FYB1: variants seen among roughly 807,000 people sequenced by gnomAD.
FYB1 encodes FYN-binding protein 1.
A neutral mutation model predicts 94.1 loss-of-function variants in FYB1; 41 were observed. The observed-to-expected ratio is 0.44, with a 90% confidence interval of 0.34 to 0.57. The LOEUF (loss-of-function observed/expected upper bound fraction) is 0.57. Among genes scored for constraint, FYB1 ranks in the 20% least tolerant of loss-of-function variants. FYB1 has a pLI of 0.02. For synonymous variants in FYB1, 367 were observed against 353.2 expected (o/e 1.04, Z -0.44); for missense variants, 1,050 against 976.8 (o/e 1.07, Z -1.00).
chr5:39,213,333 T>C (rs1219633137), intron 1 of FYB1, among the ~76,000 whole-genome samples: 1 of 152,172 alleles, frequency 6.6e-6, no homozygotes, highest in Non-Finnish European at 1.5e-5. Flanking sequence ...GTCTTTGTCA[T>C]ATAGTTACTA....
chr5:39,234,475 A>G (rs1471874660), intron 1 of FYB1, among the ~76,000 whole-genome samples: 1 of 151,814 alleles, frequency 6.6e-6, no homozygotes, highest in African/African-American at 2.4e-5. Flanking sequence ...GTTGTGGAAA[A>G]CAGTGTGGCA....
intron 1 of FYB1, among the ~76,000 whole-genome samples, chr5:39,236,755 A>G (rs1750982454): frequency 6.6e-6 from 1 of 152,162 alleles, no homozygotes; most frequent in Non-Finnish European, 1.5e-5. Flanking sequence ...CTAAGCTCAC[A>G]TTGGACAAGG....
intron 9 of FYB1, 130 bp from the exon 10 acceptor site, chr5:39,130,742 T>C (rs1295293265): frequency 5.8e-6 from 4 of 686,560 alleles, no homozygotes; most frequent in East Asian, 2.8e-5. Flanking sequence ...GAATGCTATA[T>C]GTAAAGAGGA....
chr5:39,215,956 G>A (rs910186171), intron 1 of FYB1, among the ~76,000 whole-genome samples: 16 of 152,166 alleles, frequency 1.1e-4, no homozygotes, highest in Non-Finnish European at 2.1e-4. Flanking sequence ...AGATAGAGAA[G>A]AAGAGACAGC....
chr5:39,242,210 T>C (rs1486421058), intron 1 of FYB1, among the ~76,000 whole-genome samples: 1 of 152,126 alleles, frequency 6.6e-6, no homozygotes, highest in Non-Finnish European at 1.5e-5. Context: ...TACATATGTA[T>C]ACATGTGCCA....
chr5:39,120,040 C>A (rs756978459), intron 14 of FYB1, among the ~76,000 whole-genome samples: 39 of 152,038 alleles, frequency 2.6e-4, no homozygotes, highest in African/African-American at 9.4e-4. Context: ...AAGAAGAGTT[C>A]AAAAACAATC....
chr5:39,231,265 C>T (rs1006563281), intron 1 of FYB1, among the ~76,000 whole-genome samples: 2 of 151,818 alleles, frequency 1.3e-5, no homozygotes, highest in Non-Finnish European at 1.5e-5. Context: ...CCATTTCCAT[C>T]CTCAATTCCA....
chr5:39,137,854 G>A, intron 6 of FYB1, 134 bp from the exon 7 acceptor site: 6 of 1,138,428 alleles, frequency 5.3e-6, no homozygotes, highest in Non-Finnish European at 7.4e-6. Context: ...GCGAAAGGTT[G>A]TCAAAATCCG....
rs184557905 is a variant in FYB1 at position 39,234,101 on chromosome 5, G to A, written c.-27-31114C>T. The stretch of plus-strand genomic sequence containing the variant: ...GCATGATATCCAGGCTCATTTCTAG[G>A]TCTTTAAACAGCATCTTCCACTTAG... On this transcript the variant is annotated intron_variant, in intron 1 of 1. Coordinates refer to the FYB1 transcript ENST00000510188. Among the ~76,000 whole-genome samples, 710 of 152,126 alleles carry A rather than the reference G, an allele frequency of 4.7e-3. 2 individuals carry two copies. The highest frequency in any genetic ancestry group is 8.2e-3 in the Non-Finnish European group (558 of 67,988).
intron 6 of FYB1, 125 bp from the exon 7 acceptor site, chr5:39,137,845 C>T (rs1351419936): frequency 1.9e-5 from 25 of 1,291,648 alleles, no homozygotes; most frequent in Middle Eastern, 1.9e-4. Context: ...AGGTAAAAAG[C>T]GAAAGGTTGT....
At chr5:39,117,798 T>C (rs1032163488) in intron 16 of FYB1, among the ~76,000 whole-genome samples, 3 of 152,218 alleles carry the variant, frequency 2.0e-5, no homozygotes, top group African/African-American at 4.8e-5. Context: ...TATAAGACAA[T>C]GTAATTTTGA....
intron 1 of FYB1, among the ~76,000 whole-genome samples, chr5:39,233,156 A>G (rs1299754208): frequency 6.6e-6 from 1 of 152,204 alleles, no homozygotes; most frequent in Non-Finnish European, 1.5e-5. Context: ...GACTTCCATA[A>G]ACATTTCATT....
At chr5:39,222,486 C>T (rs1435073844), upstream of FYB1, among the ~76,000 whole-genome samples, 1 of 152,172 alleles carries the variant, frequency 6.6e-6, no homozygotes, top group Non-Finnish European at 1.5e-5. Flanking sequence ...ATCTCTCAGC[C>T]TCTGTGTCCT....
chr5:39,269,462 C>T (rs181753858), intron 1 of FYB1, among the ~76,000 whole-genome samples: 9 of 152,310 alleles, frequency 5.9e-5, no homozygotes, highest in East Asian at 1.9e-4. Context: ...CAGGTGTTGC[C>T]GCAGGCAGGG....
chr5:39,172,481 G>C (rs1020717003), intron 2 of FYB1, among the ~76,000 whole-genome samples: 1 of 151,992 alleles, frequency 6.6e-6, no homozygotes, highest in Non-Finnish European at 1.5e-5. Context: ...TTTAATTCTA[G>C]ATTAGAGGGT....
At chr5:39,170,075 C>T (rs1346261873) in intron 2 of FYB1, 11 of 832,604 alleles carry the variant, frequency 1.3e-5, no homozygotes, top group Non-Finnish European at 2.1e-5. Context: ...CTTACTTTCA[C>T]ATTTGCAGTG....
intron 2 of FYB1, among the ~76,000 whole-genome samples, chr5:39,172,859 C>T (rs993223332): frequency 1.3e-5 from 2 of 152,088 alleles, no homozygotes; most frequent in Non-Finnish European, 2.9e-5. Flanking sequence ...TTGATGGGCA[C>T]CTAGGTTAAT....
At chr5:39,231,753 C>CTTTTTTTTTT (rs1561294595) in intron 1 of FYB1, among the ~76,000 whole-genome samples, 3 of 151,992 alleles carry the variant, frequency 2.0e-5, no homozygotes, top group African/African-American at 7.3e-5. Context: ...AGAGCTATTT[C>CTTTTTTTTTT]TCTTTCACAG....
chr5:39,213,178 G>C (rs1749570942), intron 1 of FYB1, among the ~76,000 whole-genome samples: 2 of 151,900 alleles, frequency 1.3e-5, no homozygotes, highest in Admixed American at 1.3e-4. Context: ...TCCTCCCAAA[G>C]CCCAATTAGT....
Sources: gnomAD v4.1 joint callset for allele counts (sites outside exome capture counted in the v4.1 genomes callset) on GRCh38, gnomAD v4.1.1 for gene constraint, MANE v1.5 for transcripts, NCBI Gene and HGNC (gene_info 2026-07-23, HGNC 2026-07-21) for gene names.